CUL3: variants seen among roughly 807,000 people sequenced by gnomAD.
CUL3 encodes cullin-3.
A neutral mutation model predicts 89.1 loss-of-function variants in CUL3; 19 were observed. That is an observed-to-expected ratio of 0.21 (90% CI 0.15 to 0.31). The LOEUF (loss-of-function observed/expected upper bound fraction) is 0.31. Ranked by LOEUF, CUL3 falls within the 10% of genes least tolerant of loss-of-function variation. The probability of loss-of-function intolerance (pLI) is 1.00; values close to 1 mark genes in which losing one functional copy is unlikely to be tolerated. For synonymous variants in CUL3, 351 were observed against 308.4 expected (o/e 1.14, Z -1.45); for missense variants, 469 against 942.3 (o/e 0.50, Z 6.58).
intron 1 of CUL3, among the ~76,000 whole-genome samples, chr2:224,577,066 C>T (rs1267622394): frequency 6.6e-6 from 1 of 152,156 alleles, no homozygotes; most frequent in East Asian, 1.9e-4. Flanking sequence ...GTATGGCATT[C>T]GATGTAACTG....
At chr2:224,493,014 C>A (rs1000217834) in intron 13 of CUL3, among the ~76,000 whole-genome samples, 1 of 152,160 alleles carries the variant, frequency 6.6e-6, no homozygotes, top group African/African-American at 2.4e-5. Flanking sequence ...ATGTGAACCA[C>A]CCTGGAAGTG....
intron 13 of CUL3, among the ~76,000 whole-genome samples, chr2:224,491,823 G>A (rs1691993592): frequency 6.6e-6 from 1 of 152,116 alleles, no homozygotes. Flanking sequence ...GAGATCAAAT[G>A]GTTTTCTCCT....
At chr2:224,521,713 G>C (rs1574653667) in intron 3 of CUL3, among the ~76,000 whole-genome samples, 1 of 151,494 alleles carries the variant, frequency 6.6e-6, no homozygotes, top group African/African-American at 2.4e-5. Context: ...ACTCCTAATA[G>C]ACCAAGGATA....
At position 224,473,202 on chromosome 2, in the gene CUL3, GTCA is replaced by G. The variant is rs879260680; in HGVS notation, c.*1040_*1042del. 11 of 195,246 alleles carry G rather than the reference GTCA, an allele frequency of 5.6e-5. No individual in the cohort carries two copies. Among genetic ancestry groups the G allele is most frequent in the Admixed American group, 1.2e-4 (2 of 16,382 alleles). 12.1% of individuals were successfully genotyped at this position (195,246 alleles called of 1,614,324 possible). A position where few individuals can be genotyped will look rare whatever the true frequency, so the allele number is the denominator to read the frequency against. ...TGAAGATTTCATTAAAACTATCAAG[GTCA>G]TCATATTTATTGCATCTTTAGATTG... On this transcript the variant is annotated 3_prime_UTR_variant, in exon 16 of 16. Transcript: ENST00000264414.
chr2:224,473,901 TG>T lies in CUL3; in HGVS notation c.*343del. ...CACATTTACATCAACACTGAAGACC[TG>T]GGGAAATGAAATCCAACAATTTTAT... is the stretch of plus-strand genomic sequence containing the variant. On this transcript the variant is annotated 3_prime_UTR_variant, in exon 16 of 16. Coordinates refer to ENST00000264414, the MANE Select transcript of CUL3 (RefSeq NM_003590.5). 1 of 229,026 alleles carries T rather than the reference TG, an allele frequency of 4.4e-6. No individual in the cohort carries two copies. Among genetic ancestry groups the T allele is most frequent in the East Asian group, 6.6e-5 (1 of 15,230 alleles). The allele number at this position is 229,026 out of a possible 1,614,324, so 14.2% of individuals were successfully genotyped here. A position where few individuals can be genotyped will look rare whatever the true frequency, so the allele number is the denominator to read the frequency against.
intron 1 of CUL3, chr2:224,563,238 A>C: frequency 2.1e-6 from 1 of 471,254 alleles, no homozygotes; most frequent in Non-Finnish European, 4.4e-6. Context: ...ATTCCCCTAC[A>C]TCTCTTGTAT....
chr2:224,515,473 C>T (rs941479026), intron 3 of CUL3, among the ~76,000 whole-genome samples: 1 of 152,144 alleles, frequency 6.6e-6, no homozygotes, highest in African/African-American at 2.4e-5. Flanking sequence ...ATTCCTTTCT[C>T]GTCTCAGCAA....
chr2:224,514,445 A>G (rs538296065), intron 4 of CUL3, among the ~76,000 whole-genome samples, 167 bp downstream of exon 4: 8 of 152,226 alleles, frequency 5.3e-5, no homozygotes, highest in Non-Finnish European at 1.2e-4. Flanking sequence ...GTGTGCTTTC[A>G]AATTAAATTT....
chr2:224,551,409 G>C (rs909271262), intron 2 of CUL3, among the ~76,000 whole-genome samples: 7 of 151,950 alleles, frequency 4.6e-5, no homozygotes, highest in Non-Finnish European at 8.8e-5. Context: ...GTTTCACCGT[G>C]TTAGCCAGGA....
At chr2:224,498,994 C>G (rs1205929509) in intron 11 of CUL3, among the ~76,000 whole-genome samples, 1 of 152,130 alleles carries the variant, frequency 6.6e-6, no homozygotes, top group Non-Finnish European at 1.5e-5. Context: ...GTTACTTCAC[C>G]TTACAAAGAT....
chr2:224,551,213 T>C (rs1449844197), intron 2 of CUL3, among the ~76,000 whole-genome samples: 1 of 151,022 alleles, frequency 6.6e-6, no homozygotes, highest in East Asian at 1.9e-4. Context: ...CAATTTTTTT[T>C]TTTTTTTTTT....
intron 14 of CUL3, chr2:224,479,753 G>A (rs141357253): frequency 7.2e-5 from 11 of 152,230 alleles, no homozygotes; most frequent in East Asian, 1.9e-4. Context: ...ACTGGTAAAC[G>A]TAGGTCACAG....
chr2:224,504,087 T>C (rs1197986749), intron 8 of CUL3: 6 of 291,896 alleles, frequency 2.1e-5, no homozygotes, highest in Middle Eastern at 9.8e-4. Context: ...AGGCATAAGG[T>C]AATATAGCGC....
intron 3 of CUL3, among the ~76,000 whole-genome samples, chr2:224,532,472 A>C (rs577604287): frequency 6.8e-6 from 1 of 147,276 alleles, no homozygotes; most frequent in African/African-American, 2.5e-5. Context: ...AAAAAAAAAA[A>C]AAACAAGGAG....
At chr2:224,511,297 A>T (rs943368032) in intron 6 of CUL3, 57 bp downstream of exon 6, 34 of 1,290,084 alleles carry the variant, frequency 2.6e-5, no homozygotes, top group Non-Finnish European at 3.1e-5. Flanking sequence ...GGAAAATTTT[A>T]AAAATATCGA....
At chr2:224,486,662 G>A (rs893347793) in intron 13 of CUL3, among the ~76,000 whole-genome samples, 2 of 152,132 alleles carry the variant, frequency 1.3e-5, no homozygotes, top group Admixed American at 6.5e-5. Flanking sequence ...TGAAAGTGAC[G>A]GGGAGAATGG....
intron 10 of CUL3, among the ~76,000 whole-genome samples, chr2:224,502,317 TTAAGG>T (rs940174302): frequency 1.4e-4 from 22 of 152,138 alleles, no homozygotes; most frequent in African/African-American, 5.3e-4. Context: ...TTCTCTAAAC[TTAAGG>T]TTAAGTTGAA....
At chr2:224,560,357 C>A (rs1421438365) in intron 1 of CUL3, 2 of 151,940 alleles carry the variant, frequency 1.3e-5, no homozygotes, top group African/African-American at 4.8e-5. Flanking sequence ...ATTCTCTGGC[C>A]CCCTCTGTAC....
rs1206525768 is a variant in CUL3, at chr2:224,506,096, G to A, written c.1066C>T (p.Leu356Phe). 1.2e-6 allele frequency: 2 copies of A among 1,607,908 alleles called. No homozygotes were observed. Among genetic ancestry groups the A allele is most frequent in the African/African-American group, 1.3e-5 (1 of 74,896 alleles). ...CGGTCATTGTTGAATGATTCCAGGA[G>A]GAAGCGATCGAACCTACTCTTCAGA... is the stretch of plus-strand genomic sequence containing the variant. The part of the protein sequence containing the change: ...LDLKSRFDRF[L>F]LESFNNDRLF... Residue 356 changes from leucine (L) to phenylalanine (F), a missense_variant, in exon 8 of 16, where the codon CTC becomes TTC. Leu to Phe is a conservative substitution (Grantham distance 22). Around this residue, in one of 4 missense-constraint regions of CUL3, gnomAD observed 370 missense variants for 733.2 expected, o/e 0.50. Transcript: ENST00000264414.
Sources: gnomAD v4.1 joint callset for allele counts (sites outside exome capture counted in the v4.1 genomes callset) on GRCh38, gnomAD v4.1.1 for gene constraint, gnomAD v4.1.1 regional missense constraint, MANE v1.5 for transcripts, NCBI Gene and HGNC (gene_info 2026-07-23, HGNC 2026-07-21) for gene names.